The following SOD3 variants were observed in gnomAD, a reference collection of about 807,000 sequenced individuals.
SOD3 encodes extracellular superoxide dismutase [Cu-Zn].
SOD3 carries 3 observed loss-of-function variants against 2.6 expected under a neutral mutation model. That is an observed-to-expected ratio of 1.13 (90% CI 0.52 to 2.93). SOD3 has a LOEUF of 2.93. Ranked by LOEUF, SOD3 falls within the 30% of genes most tolerant of loss-of-function variation. The pLI, the probability that SOD3 is intolerant of heterozygous loss-of-function variation, is 0.04. For synonymous variants in SOD3, 188 were observed against 177.5 expected, an observed-to-expected ratio of 1.06 and a Z score of -0.47; for missense variants, 379 against 370.4, an observed-to-expected ratio of 1.02 and a Z score of -0.19.
In SOD3 at chr4:24,799,956, C is replaced by G. The variant is rs1713792011; in HGVS notation, c.435C>G (p.Asp145Glu). 6.3e-7 allele frequency: 1 copy of G among 1,590,958 alleles called. No homozygotes were observed. Among genetic ancestry groups the G allele is most frequent in the East Asian group, 2.3e-5 (1 of 44,274 alleles). ...LAVPHPQHPG[D>E]FGNFAVRDGS... is the part of the protein sequence containing the mutation. ...TGCCGCACCCGCAGCACCCGGGCGA[C>G]TTCGGCAACTTCGCGGTCCGCGACG... The change falls in exon 2 of 2, where the codon GAC becomes GAG. Residue 145 changes from aspartate (D) to glutamate (E), a missense_variant. Physicochemically the swap from Asp to Glu is conservative, Grantham distance 45 (BLOSUM62 2). Transcript: ENST00000382120.
intron 1 of SOD3, among the ~76,000 whole-genome samples, chr4:24,797,399 C>G (rs1713701502): frequency 6.6e-6 from 1 of 152,208 alleles, no homozygotes; most frequent in African/African-American, 2.4e-5. Context: ...ATGGGGATAA[C>G]ACTGAATAAT....
intron 1 of SOD3, among the ~76,000 whole-genome samples, chr4:24,796,092 A>G (rs984200438): frequency 6.6e-6 from 1 of 152,194 alleles, no homozygotes; most frequent in African/African-American, 2.4e-5. Context: ...AACACACCCA[A>G]GGCTCAAGAG....
Position 24,799,677 on chromosome 4 carries a change from G to C in SOD3, c.156G>C (p.Arg52=). The change falls in exon 2 of 2, where the codon CGG becomes CGC. Residue 52 remains arginine (R), a synonymous_variant. Coordinates refer to ENST00000382120, the MANE Select transcript of SOD3 (RefSeq NM_003102.4). ...VTEIWQEVMQ[R]RDDDGALHAA... The stretch of plus-strand genomic sequence containing the variant: ...AGATCTGGCAGGAGGTCATGCAGCG[G>C]CGGGACGACGACGGCGCGCTCCACG... 6.3e-7 allele frequency: 1 copy of C among 1,594,028 alleles called. No homozygotes were observed. Among genetic ancestry groups the C allele is most frequent in the Non-Finnish European group, 8.5e-7 (1 of 1,173,682 alleles).
chr4:24,796,430 C>CTTTTTTTTTTT (rs1203564280), intron 1 of SOD3, among the ~76,000 whole-genome samples: 1 of 102,928 alleles, frequency 9.7e-6, no homozygotes, highest in Non-Finnish European at 1.9e-5. Flanking sequence ...CCTCCTCCTT[C>CTTTTTTTTTTT]TTCTCTTTTT....
At chr4:24,795,773 G>A (rs1452645072) in intron 1 of SOD3, 122 bp downstream of exon 1, 2 of 152,422 alleles carry the variant, frequency 1.3e-5, no homozygotes, top group Admixed American at 1.3e-4. Flanking sequence ...GGAAGGAAAT[G>A]TACTTTCCCT....
At chr4:24,799,405 G>C in intron 1 of SOD3, 101 bp from the exon 2 acceptor site, 1 of 1,377,518 alleles carries the variant, frequency 7.3e-7, no homozygotes, top group South Asian at 1.4e-5. Flanking sequence ...AAGCCCACTG[G>C]GGACTGGGGG....
At position 24,799,381 on chromosome 4, in the gene SOD3, C is replaced by G. The variant is rs1028916593; in HGVS notation, c.-16-125C>G. ...CAAACGTTTGCCACATGAAGTCATGCCCACTGGGCCAGGAAGCCCACTGGG... is the reference window on the plus strand; with the variant it reads ...CAAACGTTTGCCACATGAAGTCATGGCCACTGGGCCAGGAAGCCCACTGGG... On this transcript the variant is annotated intron_variant, in intron 1 of 1. Transcript: ENST00000382120. 6 of 1,117,912 alleles carry G rather than the reference C, an allele frequency of 5.4e-6. No homozygotes were observed. In the African/African-American group the frequency reaches 9.4e-5, roughly 18 times the overall value. The allele number at this position is 1,117,912 out of a possible 1,614,324, so 69.2% of individuals were successfully genotyped here. A position where few individuals can be genotyped will look rare whatever the true frequency, so the allele number is the denominator to read the frequency against.
rs774152225 is a variant in SOD3, at chr4:24,799,991, G to GGA, written c.472_473dup (p.Tyr159GlyfsTer175). ...TTCGCGGTCCGCGACGGCAGCCTCTGGAGGTACCGCGCCGGCCTGGCCGCC... is the reference window on the plus strand; with the variant it reads ...TTCGCGGTCCGCGACGGCAGCCTCTGGAGAGGTACCGCGCCGGCCTGGCCGCC... On this transcript the variant is annotated frameshift_variant, in exon 2 of 2. Coordinates refer to ENST00000382120, the MANE Select transcript of SOD3 (RefSeq NM_003102.4). LOFTEE classifies it high-confidence loss of function. 1.3e-6 allele frequency: 2 copies of GGA among 1,577,554 alleles called. No individual in the cohort carries two copies. Among genetic ancestry groups the GGA allele is most frequent in the Non-Finnish European group, 1.7e-6 (2 of 1,170,456 alleles).
rs1426145115 is a variant in SOD3, at chr4:24,800,808, A to G, written c.*564A>G. 2 of 155,340 alleles carry G rather than the reference A, an allele frequency of 1.3e-5. No homozygotes were observed. The highest frequency in any genetic ancestry group is 4.8e-5 in the African/African-American group (2 of 41,462). 9.6% of individuals were successfully genotyped at this position (155,340 alleles called of 1,614,324 possible). ...TGCTCCTTTGGGGGAATGTTTGGCA[A>G]CCTTTGTGTTACAGATTAAAAATTC... On this transcript the variant is annotated 3_prime_UTR_variant, in exon 2 of 2. Coordinates refer to ENST00000382120, the MANE Select transcript of SOD3 (RefSeq NM_003102.4).
intron 1 of SOD3, among the ~76,000 whole-genome samples, chr4:24,799,111 G>A (rs1201019360): frequency 6.6e-6 from 1 of 152,188 alleles, no homozygotes; most frequent in Non-Finnish European, 1.5e-5. Flanking sequence ...CCTTAGGGAT[G>A]TCTGTGGGGG....
At chr4:24,796,622 ATTTTTTTTT>A (rs58441391) in intron 1 of SOD3, among the ~76,000 whole-genome samples, 2 of 126,154 alleles carry the variant, frequency 1.6e-5, no homozygotes. Flanking sequence ...ACACCCAGCT[ATTTTTTTTT>A]TTTTTTTTTG....
chr4:24,797,133 T>C (rs536749661), intron 1 of SOD3, among the ~76,000 whole-genome samples: 2 of 150,890 alleles, frequency 1.3e-5, no homozygotes, highest in African/African-American at 2.4e-5. Flanking sequence ...ACAGTGTCCA[T>C]AGCATCTCTT....
intron 1 of SOD3, among the ~76,000 whole-genome samples, chr4:24,796,622 ATTT>A (rs58441391): frequency 2.4e-5 from 3 of 126,136 alleles, no homozygotes; most frequent in African/African-American, 3.3e-5. Context: ...ACACCCAGCT[ATTT>A]TTTTTTTTTT....
At chr4:24,796,622 ATTTTTTT>A (rs58441391) in intron 1 of SOD3, among the ~76,000 whole-genome samples, 40,737 of 126,098 alleles carry the variant, frequency 0.32, 7,166 homozygotes, top group Non-Finnish European at 0.4. Context: ...ACACCCAGCT[ATTTTTTT>A]TTTTTTTTTT....
In SOD3 at chr4:24,800,569, C is replaced by A. The variant is rs1713867315; in HGVS notation, c.*325C>A. 1 of 226,136 alleles carries A rather than the reference C, an allele frequency of 4.4e-6. No homozygotes were observed. The highest frequency in any genetic ancestry group is 5.9e-5 in the Admixed American group (1 of 16,912). The allele number at this position is 226,136 out of a possible 1,614,324, so 14.0% of individuals were successfully genotyped here. On this transcript the variant is annotated 3_prime_UTR_variant, in exon 2 of 2. Coordinates refer to ENST00000382120, the MANE Select transcript of SOD3 (RefSeq NM_003102.4). ...GACCCTCCTTCCCCACCCCATAAGC[C>A]CTGAGACTCCCGCCTTTGACCTGAC...
chr4:24,800,064 C>A lies in SOD3; in HGVS notation c.543C>A (p.His181Gln). The A allele has an allele frequency of 6.9e-7, 1 of 1,446,636 alleles. No homozygotes were observed. Among genetic ancestry groups the A allele is most frequent in the East Asian group, 2.9e-5 (1 of 34,600 alleles). 89.6% of individuals were successfully genotyped at this position (1,446,636 alleles called of 1,614,324 possible). A position where few individuals can be genotyped will look rare whatever the true frequency, so the allele number is the denominator to read the frequency against. ...HSIVGRAVVVHAGEDDLGRGG... is the reference protein window; with the variant it reads ...HSIVGRAVVVQAGEDDLGRGG... The stretch of plus-strand genomic sequence containing the variant: ...TCGTGGGCCGGGCCGTGGTCGTCCA[C>A]GCTGGCGAGGACGACCTGGGCCGCG... Residue 181 changes from histidine to glutamine, a missense_variant, in exon 2 of 2, where the codon CAC becomes CAA. His to Gln is a conservative substitution (Grantham distance 24, BLOSUM62 0). Transcript: ENST00000382120.
chr4:24,796,163 G>T (rs1324129992), intron 1 of SOD3, among the ~76,000 whole-genome samples: 1 of 151,928 alleles, frequency 6.6e-6, no homozygotes, highest in African/African-American at 2.4e-5. Flanking sequence ...CCTCTATTTG[G>T]TTCAGGATAA....
At position 24,799,684 on chromosome 4, in the gene SOD3, G is replaced by T; in HGVS notation, c.163G>T (p.Asp55Tyr). 6.3e-6 allele frequency: 10 copies of T among 1,588,848 alleles called. No individual in the cohort carries two copies. The highest frequency in any genetic ancestry group is 7.7e-6 in the Non-Finnish European group (9 of 1,171,456). The change falls in exon 2 of 2, where the codon GAC becomes TAC. Residue 55 changes from aspartate (D) to tyrosine (Y), a missense_variant. By Grantham distance (160) the Asp-to-Tyr change is radical. Coordinates refer to ENST00000382120, the MANE Select transcript of SOD3 (RefSeq NM_003102.4). Reference sequence around the variant, plus strand: ...GCAGGAGGTCATGCAGCGGCGGGACGACGACGGCGCGCTCCACGCCGCCTG... The same window carrying T: ...GCAGGAGGTCATGCAGCGGCGGGACTACGACGGCGCGCTCCACGCCGCCTG... ...IWQEVMQRRD[D>Y]DGALHAACQV...
chr4:24,796,268 G>A (rs889994991), intron 1 of SOD3, among the ~76,000 whole-genome samples: 1 of 151,984 alleles, frequency 6.6e-6, no homozygotes, highest in Non-Finnish European at 1.5e-5. Context: ...CCCTTAAAAA[G>A]GCACTTGGTC....
Sources: allele counts gnomAD v4.1 joint callset (sites outside exome capture counted in the v4.1 genomes callset), GRCh38; gene constraint gnomAD v4.1.1; transcripts MANE v1.5; gene names NCBI Gene and HGNC (gene_info 2026-07-23, HGNC 2026-07-21).